Variants in HAUS1 observed in about 807,000 individuals in gnomAD.
HAUS1 encodes the protein HAUS augmin-like complex subunit 1.
A neutral mutation model predicts 38.6 loss-of-function variants in HAUS1; 25 were observed. That is an observed-to-expected ratio of 0.65 (90% CI 0.47 to 0.91). The LOEUF (loss-of-function observed/expected upper bound fraction) is 0.91. HAUS1 is among the 40% of genes least tolerant of loss of function. The pLI, the probability that HAUS1 is intolerant of heterozygous loss-of-function variation, is 0.00. For missense variants in HAUS1, 325 were observed against 328.4 expected, an observed-to-expected ratio of 0.99 and a Z score of 0.08; for synonymous variants, 109 against 112.9, an observed-to-expected ratio of 0.97 and a Z score of 0.22.
At chr18:46,105,550 ATGTGTGTG>A (rs34943742) in intron 2 of HAUS1, 182 bp downstream of exon 2, 15,401 of 270,022 alleles carry the variant, frequency 0.057, 497 homozygotes, top group African/African-American at 0.1. Flanking sequence ...ATGTATATGT[ATGTGTGTG>A]TGTGTGTGTG....
chr18:46,106,761 TC>T (rs1911492786), intron 2 of HAUS1: 1 of 152,312 alleles, frequency 6.6e-6, no homozygotes, highest in African/African-American at 2.4e-5. Context: ...ACGCCTGTAA[TC>T]CCAGCACTTT....
At chr18:46,123,237 A>T (rs1177750874) in intron 5 of HAUS1, 62 bp from the exon 6 acceptor site, 1 of 1,133,478 alleles carries the variant, frequency 8.8e-7, no homozygotes, top group African/African-American at 1.6e-5. Context: ...AAAGAAAAAT[A>T]TTTGATGGTG....
At position 46,104,451 on chromosome 18, in the gene HAUS1, C is replaced by A. The variant is rs8095039; in HGVS notation, c.30+10C>A. The stretch of plus-strand genomic sequence containing the variant: ...GGAGAGAGAAACGCAGGTGATGGGG[C>A]GGGAATGGGGATCGTTGGCCTCCTG... On this transcript the variant is annotated intron_variant, in intron 1 of 8. Coordinates refer to ENST00000282058, the MANE Select transcript of HAUS1 (RefSeq NM_138443.4). 4 of 1,462,932 alleles carry A rather than the reference C, an allele frequency of 2.7e-6. No individual in the cohort carries two copies. Among genetic ancestry groups the A allele is most frequent in the African/African-American group, 1.4e-5 (1 of 69,294 alleles). The allele number at this position is 1,462,932 out of a possible 1,614,324, so 90.6% of individuals were successfully genotyped here.
rs1332104356 is a variant in HAUS1, at chr18:46,118,274, A to G, written c.299A>G (p.Asp100Gly). The change falls in exon 3 of 9, where the codon GAC becomes GGC. Residue 100 changes from aspartate to glycine, a missense_variant. Transcript: ENST00000282058. ...TCCAGGTATCTGAATGCTTTGGTTG[A>G]CAGTGCGGTGGCCCTTGAAACAAAG... ...TGSRYLNALVDSAVALETKDT... is the reference protein window; with the variant it reads ...TGSRYLNALVGSAVALETKDT... 1.5e-5 allele frequency: 25 copies of G among 1,613,220 alleles called. No individual in the cohort carries two copies. The highest frequency in any genetic ancestry group is 2.0e-5 in the Non-Finnish European group (24 of 1,180,016).
In HAUS1 at chr18:46,111,880, CTTTTCTT is replaced by C. The variant is rs1395542306; in HGVS notation, c.206-6296_206-6290del. 4.6e-3 allele frequency among the ~76,000 whole-genome samples: 659 copies of C among 143,470 alleles called. 9 individuals carry two copies. The highest frequency in any genetic ancestry group is 0.016 in the African/African-American group (603 of 37,874). 94.1% of individuals were successfully genotyped at this position (143,470 alleles called of 152,430 possible). Reference sequence around the variant, plus strand: ...TCTGTGGCTCTCTTCATTTTCTTTTCTTTTCTTTTTTTTTTTTTTTTATGAGATGGAG... The same window carrying C: ...TCTGTGGCTCTCTTCATTTTCTTTTCTTTTTTTTTTTTTTATGAGATGGAG... On this transcript the variant is annotated intron_variant, in intron 2 of 8. Transcript: ENST00000282058.
chr18:46,120,575 A>G (rs763706393), intron 4 of HAUS1, among the ~76,000 whole-genome samples: 4 of 150,004 alleles, frequency 2.7e-5, no homozygotes, highest in Non-Finnish European at 4.4e-5. Flanking sequence ...TACTTCATAC[A>G]ATTTCTTACC....
chr18:46,126,362 G>C (rs1912104802), intron 8 of HAUS1, among the ~76,000 whole-genome samples: 1 of 152,170 alleles, frequency 6.6e-6, no homozygotes, highest in African/African-American at 2.4e-5. Flanking sequence ...TATATTGAGA[G>C]ATATAGAATA....
intron 2 of HAUS1, 79 bp from the exon 3 acceptor site, chr18:46,118,102 T>C (rs1911842678): frequency 7.2e-7 from 1 of 1,390,810 alleles, no homozygotes; most frequent in Non-Finnish European, 1.0e-6. Context: ...TTATATGCTA[T>C]GTGAATTATG....
At chr18:46,123,413 A>T in intron 6 of HAUS1, 49 bp downstream of exon 6, 1 of 1,234,722 alleles carries the variant, frequency 8.1e-7, no homozygotes. Flanking sequence ...TTTACTCCAC[A>T]GTCTGCTTTT....
intron 2 of HAUS1, among the ~76,000 whole-genome samples, chr18:46,117,177 C>T (rs557809957): frequency 1.3e-4 from 20 of 152,302 alleles, no homozygotes; most frequent in African/African-American, 4.8e-4. Flanking sequence ...AGCAATTCCA[C>T]TTACACCCAA....
chr18:46,127,853 T>TCCCTTC (rs1912153842), intron 8 of HAUS1, among the ~76,000 whole-genome samples: 2 of 152,118 alleles, frequency 1.3e-5, no homozygotes, highest in African/African-American at 4.8e-5. Flanking sequence ...TCCCTTCACA[T>TCCCTTC]ATTTCTTAGA....
intron 2 of HAUS1, among the ~76,000 whole-genome samples, chr18:46,116,637 A>C (rs1911805646): frequency 6.6e-6 from 1 of 152,144 alleles, no homozygotes; most frequent in African/African-American, 2.4e-5. Flanking sequence ...GGCAAGGGGT[A>C]TACACAGACA....
chr18:46,122,735 CAG>C, intron 5 of HAUS1, 145 bp downstream of exon 5: 2 of 838,342 alleles, frequency 2.4e-6, no homozygotes, highest in Non-Finnish European at 3.7e-6. Flanking sequence ...ATAGCTATTA[CAG>C]TAAGCAGATC....
At chr18:46,126,808 T>A (rs995871885) in intron 8 of HAUS1, 3 of 131,428 alleles carry the variant, frequency 2.3e-5, no homozygotes, top group Non-Finnish European at 3.3e-5. Flanking sequence ...CATTTTTATT[T>A]ATTTATTTAT....
chr18:46,124,847 C>A lies in HAUS1; in HGVS notation c.692C>A (p.Thr231Asn). The A allele has an allele frequency of 6.2e-7, 1 of 1,606,576 alleles. No homozygotes were observed. The highest frequency in any genetic ancestry group is 8.5e-7 in the Non-Finnish European group (1 of 1,174,158). ...SEKLARLKQQ[T>N]IPLKKKLESY... Reference sequence around the variant, plus strand: ...AAACTGGCAAGATTAAAGCAACAGACTATACCTTTGAAGAAAAAATTGGAG... The same window carrying A: ...AAACTGGCAAGATTAAAGCAACAGAATATACCTTTGAAGAAAAAATTGGAG... Residue 231 changes from threonine to asparagine, a missense_variant, in exon 7 of 9, where the codon ACT becomes AAT. Thr to Asn is a moderately conservative substitution (Grantham distance 65). Coordinates refer to ENST00000282058, the MANE Select transcript of HAUS1 (RefSeq NM_138443.4).
Position 46,128,314 on chromosome 18 carries a change from T to C in HAUS1, c.*189T>C, listed in dbSNP as rs1166677696. 2.2e-6 allele frequency: 1 copy of C among 449,320 alleles called. No individual in the cohort carries two copies. The highest frequency in any genetic ancestry group is 4.0e-6 in the Non-Finnish European group (1 of 247,732). 27.8% of individuals were successfully genotyped at this position (449,320 alleles called of 1,614,324 possible). A position where few individuals can be genotyped will look rare whatever the true frequency, so the allele number is the denominator to read the frequency against. On this transcript the variant is annotated 3_prime_UTR_variant, in exon 9 of 9. Coordinates refer to ENST00000282058, the MANE Select transcript of HAUS1 (RefSeq NM_138443.4). ...TGTGCCCAAATACATAGTTTTCATA[T>C]TAAAAAGCCTTTTCTCTTACTTTGT...
chr18:46,106,325 C>T (rs554221685), intron 2 of HAUS1, among the ~76,000 whole-genome samples: 88 of 152,146 alleles, frequency 5.8e-4, no homozygotes, highest in South Asian at 4.6e-3. Context: ...AAAAATTAGC[C>T]GGGCGTGGTG....
At position 46,120,044 on chromosome 18, in the gene HAUS1, GA is replaced by G; in HGVS notation, c.465del (p.Lys155AsnfsTer31). ...EKNLTATLVL[E>X]KCLQEDVKKA... ...AAATTTAACTGCAACTTTAGTATTAGAAAAATGTCTACAAGAGTAAGTAATT... is the reference window on the plus strand; with the variant it reads ...AAATTTAACTGCAACTTTAGTATTAGAAAATGTCTACAAGAGTAAGTAATT... On this transcript the variant is annotated frameshift_variant, in exon 4 of 9. Coordinates refer to ENST00000282058, the MANE Select transcript of HAUS1 (RefSeq NM_138443.4). LOFTEE classifies it high-confidence loss of function. 1.3e-6 allele frequency: 2 copies of G among 1,596,884 alleles called. No individual in the cohort carries two copies. Among genetic ancestry groups the G allele is most frequent in the Non-Finnish European group, 1.7e-6 (2 of 1,168,712 alleles).
chr18:46,116,034 A>G (rs972198170), intron 2 of HAUS1, among the ~76,000 whole-genome samples: 3 of 151,038 alleles, frequency 2.0e-5, no homozygotes, highest in African/African-American at 7.3e-5. Flanking sequence ...TGAACCTGGG[A>G]GGCAGAGGTT....
Sources: gnomAD v4.1 joint callset for allele counts (sites outside exome capture counted in the v4.1 genomes callset) on GRCh38, gnomAD v4.1.1 for gene constraint, MANE v1.5 for transcripts, NCBI Gene and HGNC (gene_info 2026-07-23, HGNC 2026-07-21) for gene names.